The following DLEU7 variants were observed in gnomAD, a reference collection of about 807,000 sequenced individuals.
DLEU7 encodes the protein deleted in lymphocytic leukemia 7, also known as leukemia-associated protein 7.
DLEU7 carries 17 observed loss-of-function variants against 16.0 expected under a neutral mutation model. The ratio of observed to expected loss-of-function variants is 1.06; its 90% CI spans 0.73 to 1.59. DLEU7 has a LOEUF of 1.59. Ranked by LOEUF, DLEU7 falls within the 40% of genes most tolerant of loss-of-function variation. The probability of loss-of-function intolerance (pLI) is 0.00; values close to 1 mark genes in which losing one functional copy is unlikely to be tolerated. For missense variants in DLEU7, 308 were observed against 314.9 expected (o/e 0.98, Z 0.17); for synonymous variants, 113 against 139.8 (o/e 0.81, Z 1.35).
chr13:50,774,783 T>C (rs1875444925), intron 1 of DLEU7, among the ~76,000 whole-genome samples: 1 of 152,028 alleles, frequency 6.6e-6, no homozygotes, highest in Non-Finnish European at 1.5e-5. Flanking sequence ...AAAAAAAAAA[T>C]CTCTTGCTCT....
chr13:50,769,821 A>T (rs573623610), intron 1 of DLEU7, among the ~76,000 whole-genome samples: 3 of 152,308 alleles, frequency 2.0e-5, no homozygotes, highest in South Asian at 4.1e-4. Flanking sequence ...AATTCCGTGA[A>T]GAAAGTCATT....
intron 1 of DLEU7, among the ~76,000 whole-genome samples, chr13:50,733,262 C>G (rs1956501043): frequency 6.6e-6 from 1 of 152,142 alleles, no homozygotes; most frequent in Admixed American, 6.5e-5. Context: ...TTTGAAAGCT[C>G]CTCAGGTGAT....
downstream of DLEU7, chr13:50,822,731 A>G (rs1275992460): frequency 2.0e-6 from 2 of 985,252 alleles, no homozygotes; most frequent in East Asian, 1.1e-4. Flanking sequence ...TTAGTATATA[A>G]AAGCACAAGG....
chr13:50,825,460 A>G (rs922327613), intron 1 of DLEU7, among the ~76,000 whole-genome samples: 18 of 152,204 alleles, frequency 1.2e-4, no homozygotes, highest in African/African-American at 4.3e-4. Context: ...GATTGAATGA[A>G]TGATTGGATG....
intron 1 of DLEU7, among the ~76,000 whole-genome samples, chr13:50,794,573 A>AT (rs1876057092): frequency 6.6e-6 from 1 of 152,202 alleles, no homozygotes; most frequent in African/African-American, 2.4e-5. Context: ...AAGTTTTTTA[A>AT]TATGAGAATC....
At chr13:50,748,904 C>T in intron 1 of DLEU7, among the ~76,000 whole-genome samples, 1 of 151,674 alleles carries the variant, frequency 6.6e-6, no homozygotes, top group South Asian at 2.1e-4. Context: ...CTTTTTTTTC[C>T]CCATAGGTTA....
downstream of DLEU7, chr13:50,822,557 T>A: frequency 7.7e-6 from 7 of 907,254 alleles, no homozygotes; most frequent in Non-Finnish European, 9.2e-6. Flanking sequence ...TGCCAGTAGA[T>A]CCACTCCTTT....
chr13:50,713,964 A>G (rs966617341), intron 1 of DLEU7, among the ~76,000 whole-genome samples: 6 of 152,168 alleles, frequency 3.9e-5, no homozygotes, highest in African/African-American at 1.2e-4. Flanking sequence ...CCCTACCCTC[A>G]TGAAGACTGT....
intron 1 of DLEU7, among the ~76,000 whole-genome samples, chr13:50,758,895 C>T (rs942757580): frequency 6.6e-6 from 1 of 152,156 alleles, no homozygotes; most frequent in Admixed American, 6.5e-5. Context: ...TCACTATGTC[C>T]AGCCCACATT....
chr13:50,761,979 A>G (rs1372872642), intron 1 of DLEU7, among the ~76,000 whole-genome samples: 1 of 152,018 alleles, frequency 6.6e-6, no homozygotes, highest in Non-Finnish European at 1.5e-5. Flanking sequence ...TCACAGGGTC[A>G]GGAGTTCAAG....
intron 1 of DLEU7, among the ~76,000 whole-genome samples, chr13:50,829,891 C>G (rs1398297918): frequency 6.6e-6 from 1 of 152,076 alleles, no homozygotes; most frequent in East Asian, 1.9e-4. Context: ...AGGTAGGGGT[C>G]ACAAGTCACA....
intron 1 of DLEU7, among the ~76,000 whole-genome samples, chr13:50,748,631 G>A (rs1162472757): frequency 6.6e-6 from 1 of 152,004 alleles, no homozygotes; most frequent in Non-Finnish European, 1.5e-5. Context: ...AGGATTGTTT[G>A]CTTCCTTATT....
intron 1 of DLEU7, among the ~76,000 whole-genome samples, chr13:50,779,720 G>A (rs1426335092): frequency 2.0e-5 from 3 of 152,160 alleles, no homozygotes; most frequent in Non-Finnish European, 2.9e-5. Context: ...GCCCCCAGGG[G>A]AGTCCTGGGA....
chr13:50,778,498 C>T (rs541267132), intron 1 of DLEU7, among the ~76,000 whole-genome samples: 1 of 152,290 alleles, frequency 6.6e-6, no homozygotes, highest in African/African-American at 2.4e-5. Context: ...GGGTGCTCTT[C>T]TATTCATCTC....
chr13:50,736,892 A>G (rs1874085734), intron 1 of DLEU7, among the ~76,000 whole-genome samples: 1 of 152,150 alleles, frequency 6.6e-6, no homozygotes, highest in African/African-American at 2.4e-5. Flanking sequence ...GATACCAAAA[A>G]TTTAGCAACT....
intron 1 of DLEU7, among the ~76,000 whole-genome samples, chr13:50,762,869 A>G (rs982799640): frequency 3.3e-5 from 5 of 151,802 alleles, no homozygotes; most frequent in African/African-American, 9.7e-5. Context: ...TCCAGGAAAG[A>G]TCTGCATCCA....
chr13:50,814,704 C>CAT (rs1403995210), intron 1 of DLEU7, among the ~76,000 whole-genome samples: 1 of 128,898 alleles, frequency 7.8e-6, no homozygotes, highest in Non-Finnish European at 1.7e-5. Context: ...CACACACACA[C>CAT]ACTCGCATGA....
In DLEU7 at chr13:50,748,228, CTTTT is replaced by C. The variant is rs71085044; in HGVS notation, c.460-34992_460-34989del. Among the ~76,000 whole-genome samples, 42 of 89,250 alleles carry C rather than the reference CTTTT, an allele frequency of 4.7e-4. No homozygotes were observed. In the East Asian group the frequency reaches 5.1e-3, roughly 11 times the overall value. 58.6% of individuals were successfully genotyped at this position (89,250 alleles called of 152,430 possible). A position where few individuals can be genotyped will look rare whatever the true frequency, so the allele number is the denominator to read the frequency against. On this transcript the variant is annotated intron_variant, in intron 1 of 1. Transcript: ENST00000400393. ...TTACTTCTTACACAGACTCCTTAAA[CTTTT>C]TTTTTTTTTTTTTTTTTTTGTATAG...
At chr13:50,798,741 G>A (rs202085335) in intron 1 of DLEU7, among the ~76,000 whole-genome samples, 14 of 152,280 alleles carry the variant, frequency 9.2e-5, no homozygotes, top group African/African-American at 2.6e-4. Context: ...GGACAATTCC[G>A]CTGGTCACTC....
Sources: gnomAD v4.1 joint callset for allele counts (sites outside exome capture counted in the v4.1 genomes callset) on GRCh38, gnomAD v4.1.1 for gene constraint, MANE v1.5 for transcripts, NCBI Gene and HGNC (gene_info 2026-07-23, HGNC 2026-07-21) for gene names.